Variants in OSBP2 observed in about 807,000 individuals in gnomAD.
The protein encoded by OSBP2 is oxysterol binding protein 2.
A neutral mutation model predicts 96.0 loss-of-function variants in OSBP2; 66 were observed. That is an observed-to-expected ratio of 0.69 (90% CI 0.56 to 0.84). The LOEUF (loss-of-function observed/expected upper bound fraction) is 0.84. Among genes scored for constraint, OSBP2 ranks in the 40% least tolerant of loss-of-function variants. The pLI is 0.00. For synonymous variants in OSBP2, 525 were observed against 520.9 expected (o/e 1.01, Z -0.11); for missense variants, 1,038 against 1,222.7 (o/e 0.85, Z 2.25).
chr22:30,696,231 C>T (rs1403658907), intron 1 of OSBP2, among the ~76,000 whole-genome samples: 3 of 152,192 alleles, frequency 2.0e-5, no homozygotes, highest in African/African-American at 7.2e-5. Flanking sequence ...ACTGTCTTCC[C>T]ACTGAAACTG....
At chr22:30,694,357 A>T, upstream of OSBP2, 1 of 1,530,220 alleles carries the variant, frequency 6.5e-7, no homozygotes, top group South Asian at 1.2e-5. Flanking sequence ...AATGGCTGCC[A>T]TGGGGGGCGG....
At chr22:30,822,481 G>C (rs1169137903) in intron 2 of OSBP2, 1 of 1,322,494 alleles carries the variant, frequency 7.6e-7, no homozygotes, top group African/African-American at 1.5e-5. Flanking sequence ...GCGGGCGGCA[G>C]TGGTGCATTG....
chr22:30,770,555 A>C (rs2090334342), intron 2 of OSBP2: 1 of 152,198 alleles, frequency 6.6e-6, no homozygotes, highest in African/African-American at 2.4e-5. Context: ...GTTTTTTAAA[A>C]ATTATTTTTT....
chr22:30,829,373 A>T (rs1771726101), intron 2 of OSBP2, among the ~76,000 whole-genome samples: 1 of 152,144 alleles, frequency 6.6e-6, no homozygotes. Context: ...GCTCACTGCA[A>T]CCTCTGCCTC....
intron 1 of OSBP2, among the ~76,000 whole-genome samples, chr22:30,718,398 T>C (rs548779138): frequency 4.9e-4 from 75 of 152,322 alleles, no homozygotes; most frequent in African/African-American, 1.6e-3. Context: ...CTAGGTGATG[T>C]CTGGGGTTCT....
intron 1 of OSBP2, among the ~76,000 whole-genome samples, chr22:30,729,401 G>A (rs1034503049): frequency 5.9e-5 from 9 of 152,184 alleles, no homozygotes; most frequent in African/African-American, 2.2e-4. Flanking sequence ...ACTTTGGGAG[G>A]CCAAGGTGGG....
chr22:30,840,449 G>A (rs964523263), intron 2 of OSBP2, among the ~76,000 whole-genome samples: 8 of 152,108 alleles, frequency 5.3e-5, no homozygotes, highest in African/African-American at 1.9e-4. Context: ...CCCAGATGAT[G>A]CTGGTCCAGT....
intron 2 of OSBP2, among the ~76,000 whole-genome samples, chr22:30,832,102 C>T (rs985771581): frequency 3.3e-5 from 5 of 152,056 alleles, no homozygotes; most frequent in Non-Finnish European, 7.4e-5. Context: ...GCACTTTTTC[C>T]AGTATGAGCC....
At chr22:30,816,563 A>T (rs751937999) in intron 2 of OSBP2, among the ~76,000 whole-genome samples, 10 of 152,082 alleles carry the variant, frequency 6.6e-5, no homozygotes, top group Non-Finnish European at 1.3e-4. Flanking sequence ...TGCCAGTGCA[A>T]CCCCGTGCTG....
At chr22:30,891,417 T>TA (rs1171115154) in intron 8 of OSBP2, among the ~76,000 whole-genome samples, 1 of 152,154 alleles carries the variant, frequency 6.6e-6, no homozygotes, top group Non-Finnish European at 1.5e-5. Flanking sequence ...CCCACAGAGA[T>TA]ATGCCAAGAC....
intron 1 of OSBP2, among the ~76,000 whole-genome samples, chr22:30,704,686 G>A (rs1054060577): frequency 1.3e-5 from 2 of 151,988 alleles, no homozygotes; most frequent in African/African-American, 2.4e-5. Flanking sequence ...GGCTGGTCTC[G>A]AACTCCTGAC....
At chr22:30,880,508 C>T (rs2039680332) in intron 3 of OSBP2, among the ~76,000 whole-genome samples, 1 of 152,238 alleles carries the variant, frequency 6.6e-6, no homozygotes. Flanking sequence ...CCTCCGTGAG[C>T]CCAGTGGCTG....
In OSBP2 at chr22:30,774,489, A is replaced by G. The variant is rs114775754; in HGVS notation, c.853+33120A>G. On this transcript the variant is annotated intron_variant, in intron 2 of 13. Coordinates refer to ENST00000332585, the MANE Select transcript of OSBP2 (RefSeq NM_030758.4). ...ATGCGCCACCACCTTGGGGCCCTTCAGTCAGAATGCTAGGAGCAAAAGGTG... is the reference window on the plus strand; with the variant it reads ...ATGCGCCACCACCTTGGGGCCCTTCGGTCAGAATGCTAGGAGCAAAAGGTG... 6.0e-3 allele frequency among the ~76,000 whole-genome samples: 919 copies of G among 152,344 alleles called. 8 individuals are homozygous for G. Among genetic ancestry groups the G allele is most frequent in the African/African-American group, 0.021 (869 of 41,580 alleles).
At chr22:30,813,159 C>T (rs978881134) in intron 2 of OSBP2, among the ~76,000 whole-genome samples, 4 of 142,140 alleles carry the variant, frequency 2.8e-5, no homozygotes, top group Admixed American at 2.1e-4. Flanking sequence ...TGGAGGCTTA[C>T]GATGTTGCAT....
At chr22:30,711,490 C>G (rs2089348723) in intron 1 of OSBP2, among the ~76,000 whole-genome samples, 1 of 151,970 alleles carries the variant, frequency 6.6e-6, no homozygotes, top group African/African-American at 2.4e-5. Flanking sequence ...TCTGTAATCC[C>G]AGCACTTTGG....
intron 2 of OSBP2, among the ~76,000 whole-genome samples, chr22:30,839,733 T>C (rs1233939086): frequency 2.6e-5 from 4 of 151,856 alleles, no homozygotes; most frequent in Non-Finnish European, 5.9e-5. Flanking sequence ...TTGTAGATTC[T>C]GGATATTAGC....
At chr22:30,764,158 C>T (rs1477821528) in intron 2 of OSBP2, 5 of 866,256 alleles carry the variant, frequency 5.8e-6, no homozygotes, top group Non-Finnish European at 6.9e-6. Flanking sequence ...TCTCGCCTCC[C>T]CTAGGCTCGC....
chr22:30,797,410 G>A (rs189365892), intron 2 of OSBP2, among the ~76,000 whole-genome samples: 52 of 151,968 alleles, frequency 3.4e-4, no homozygotes, highest in African/African-American at 1.1e-3. Flanking sequence ...AGCCTCTCGA[G>A]TAGCTGGGAT....
In OSBP2 at chr22:30,828,068, G is replaced by A. The variant is rs144119394; in HGVS notation, c.854-42361G>A. Reference sequence around the variant, plus strand: ...CTGGCCTGAGTGAAGGCCACAGTGGGTGGGGCTGGGGACTCACTTTCTGGG... The same window carrying A: ...CTGGCCTGAGTGAAGGCCACAGTGGATGGGGCTGGGGACTCACTTTCTGGG... On this transcript the variant is annotated intron_variant, in intron 2 of 13. Coordinates refer to ENST00000332585, the MANE Select transcript of OSBP2 (RefSeq NM_030758.4). Among the ~76,000 whole-genome samples, 735 of 152,264 alleles carry A rather than the reference G, an allele frequency of 4.8e-3. 7 individuals carry two copies. Among genetic ancestry groups the A allele is most frequent in the African/African-American group, 0.017 (710 of 41,550 alleles).
Sources: gnomAD v4.1 joint callset for allele counts (sites outside exome capture counted in the v4.1 genomes callset) on GRCh38, gnomAD v4.1.1 for gene constraint, MANE v1.5 for transcripts, NCBI Gene and HGNC (gene_info 2026-07-23, HGNC 2026-07-21) for gene names.